The following GIPC3 variants were observed in gnomAD, a reference collection of about 807,000 sequenced individuals.
The protein encoded by GIPC3 is GIPC PDZ domain containing family member 3.
A neutral mutation model predicts 27.3 loss-of-function variants in GIPC3; 16 were observed. That is an observed-to-expected ratio of 0.59 (90% CI 0.40 to 0.89). The LOEUF is 0.89. Among genes scored for constraint, GIPC3 ranks in the 40% least tolerant of loss-of-function variants. The pLI, the probability that GIPC3 is intolerant of heterozygous loss-of-function variation, is 0.00. For synonymous variants in GIPC3, 194 were observed against 184.6 expected (o/e 1.05, Z -0.41); for missense variants, 440 against 442.1 (o/e 1.00, Z 0.04).
At position 3,591,143 on chromosome 19, in the gene GIPC3, C is replaced by A. The variant is rs1468891829; in HGVS notation, c.*953C>A. 17 of 1,233,016 alleles carry A rather than the reference C, an allele frequency of 1.4e-5. No homozygotes were observed. Among genetic ancestry groups the A allele is most frequent in the South Asian group, 4.1e-5 (1 of 24,420 alleles). The allele number at this position is 1,233,016 out of a possible 1,614,324, so 76.4% of individuals were successfully genotyped here. A position where few individuals can be genotyped will look rare whatever the true frequency, so the allele number is the denominator to read the frequency against. On this transcript the variant is annotated 3_prime_UTR_variant, in exon 6 of 6. Coordinates refer to ENST00000644452, the MANE Select transcript of GIPC3 (RefSeq NM_133261.3). ...CTGAGACCAAGCCCAGCTCTAGAAC[C>A]CAGATAAGCTCTGAAACCAATCCCA... is the stretch of plus-strand genomic sequence containing the variant.
rs193020058 is a variant in GIPC3, at chr19:3,587,249, G to A, written c.592+255G>A. On this transcript the variant is annotated intron_variant, in intron 3 of 5. Transcript: ENST00000644452. ...GGAGGACGCGTCCAGAACCACTTTG[G>A]AGCCAGGCTGGGAGACTTGTTTTTG... Among the ~76,000 whole-genome samples, 2,226 of 151,798 alleles carry A rather than the reference G, an allele frequency of 0.015. 38 individuals carry two copies. Among genetic ancestry groups the A allele is most frequent in the Non-Finnish European group, 0.018 (1,245 of 67,814 alleles).
At position 3,593,306 on chromosome 19, in the gene GIPC3, C is replaced by T. The variant is rs1464979929; in HGVS notation, c.*3116C>T. On this transcript the variant is annotated 3_prime_UTR_variant, in exon 6 of 6. Coordinates refer to ENST00000644452, the MANE Select transcript of GIPC3 (RefSeq NM_133261.3). Reference sequence around the variant, plus strand: ...GGCCGTAGCTTGGCTGTGACTTAGCCCTGGTTCATGTGGTTCTCGTCCTCT... The same window carrying T: ...GGCCGTAGCTTGGCTGTGACTTAGCTCTGGTTCATGTGGTTCTCGTCCTCT... 8.1e-7 allele frequency: 1 copy of T among 1,232,334 alleles called. No individual in the cohort carries two copies. The allele number at this position is 1,232,334 out of a possible 1,614,324, so 76.3% of individuals were successfully genotyped here. A position where few individuals can be genotyped will look rare whatever the true frequency, so the allele number is the denominator to read the frequency against.
At position 3,590,241 on chromosome 19, in the gene GIPC3, C is replaced by G. The variant is rs1242437543; in HGVS notation, c.*51C>G. 6.5e-7 allele frequency: 1 copy of G among 1,545,298 alleles called. No individual in the cohort carries two copies. The highest frequency in any genetic ancestry group is 8.7e-7 in the Non-Finnish European group (1 of 1,144,216). ...CCCCAGCCCGGAGCCCAGCCCCCTG[C>G]CCCGGCCCTGCTCCAGAACCCAGCC... On this transcript the variant is annotated 3_prime_UTR_variant, in exon 6 of 6. Transcript: ENST00000644452.
chr19:3,585,800 C>A lies in GIPC3; in HGVS notation c.203C>A (p.Ala68Asp), dbSNP rs1254970207. 6 of 1,546,738 alleles carry A rather than the reference C, an allele frequency of 3.9e-6. No homozygotes were observed. The highest frequency in any genetic ancestry group is 2.0e-5 in the Admixed American group (1 of 50,952). ...VRELYAKIAE[A>D]FGIAPTEILF... Reference sequence around the variant, plus strand: ...GAGCTGTACGCCAAGATCGCCGAAGCCTTCGGGATCGCGCCCACCGAGGTA... The same window carrying A: ...GAGCTGTACGCCAAGATCGCCGAAGACTTCGGGATCGCGCCCACCGAGGTA... Residue 68 changes from alanine to aspartate, a missense_variant, in exon 1 of 6, where the codon GCC (alanine) becomes GAC (aspartate). Transcript: ENST00000644452.
In GIPC3 at chr19:3,591,497, C is replaced by T. The variant is rs8112817; in HGVS notation, c.*1307C>T. ...CACACCTGGACACTCGGTCTAGCTC[C>T]GGAACCCCAGTTAATTTTGGAACCC... On this transcript the variant is annotated 3_prime_UTR_variant, in exon 6 of 6. Transcript: ENST00000644452. The T allele has an allele frequency of 4.3e-3, 5,290 of 1,232,448 alleles. 180 individuals are homozygous for T. In the African/African-American group the frequency reaches 0.075, roughly 17 times the overall value. 76.3% of individuals were successfully genotyped at this position (1,232,448 alleles called of 1,614,324 possible).
Position 3,590,029 on chromosome 19 carries a change from C to T in GIPC3, c.788-10C>T, listed in dbSNP as rs368548938. The T allele has an allele frequency of 1.8e-5, 29 of 1,612,402 alleles. No homozygotes were observed. Among genetic ancestry groups the T allele is most frequent in the South Asian group, 4.4e-5 (4 of 90,996 alleles). Reference sequence around the variant, plus strand: ...GCCCTCACTGACATCCCCTCTGGCACGGCCCGCAGCGTCCACCATGGTGGA... The same window carrying T: ...GCCCTCACTGACATCCCCTCTGGCATGGCCCGCAGCGTCCACCATGGTGGA... On this transcript the variant is annotated splice_polypyrimidine_tract_variant and intron_variant, in intron 5 of 5. Transcript: ENST00000644452.
rs2032498825 is a variant in GIPC3, at chr19:3,592,234, C to A, written c.*2044C>A. 9.7e-6 allele frequency: 12 copies of A among 1,232,198 alleles called. 1 individual carries two copies. The South Asian group carries it at 3.3e-4, about 34-fold the overall frequency. The allele number at this position is 1,232,198 out of a possible 1,614,324, so 76.3% of individuals were successfully genotyped here. A position where few individuals can be genotyped will look rare whatever the true frequency, so the allele number is the denominator to read the frequency against. ...CCAGCCTCTGGGACTCAATTCGCCT[C>A]TAAAACCCTGCCAGGTTCTAGATAC... On this transcript the variant is annotated 3_prime_UTR_variant, in exon 6 of 6. Transcript: ENST00000644452.
At position 3,592,235 on chromosome 19, in the gene GIPC3, TAA is replaced by T; in HGVS notation, c.*2048_*2049del. Reference sequence around the variant, plus strand: ...CAGCCTCTGGGACTCAATTCGCCTCTAAAACCCTGCCAGGTTCTAGATACCAG... The same window carrying T: ...CAGCCTCTGGGACTCAATTCGCCTCTAACCCTGCCAGGTTCTAGATACCAG... On this transcript the variant is annotated 3_prime_UTR_variant, in exon 6 of 6. Transcript: ENST00000644452. 1 of 1,232,226 alleles carries T rather than the reference TAA, an allele frequency of 8.1e-7. No individual in the cohort carries two copies. The highest frequency in any genetic ancestry group is 1.0e-6 in the Non-Finnish European group (1 of 988,138). 76.3% of individuals were successfully genotyped at this position (1,232,226 alleles called of 1,614,324 possible). A position where few individuals can be genotyped will look rare whatever the true frequency, so the allele number is the denominator to read the frequency against.
rs74364412 is a variant in GIPC3, at chr19:3,589,276, C to T, written c.593-167C>T. 4.7e-3 allele frequency among the ~76,000 whole-genome samples: 722 copies of T among 152,146 alleles called. 4 individuals are homozygous for T. The highest frequency in any genetic ancestry group is 0.017 in the African/African-American group (687 of 41,492). ...CTTGTGATTTAGTTTGCTGGGGATG[C>T]GAAGTGTGGAATCTCGAATAGGTCT... On this transcript the variant is annotated intron_variant, in intron 3 of 5. Transcript: ENST00000644452.
chr19:3,585,834 G>C lies in GIPC3; in HGVS notation c.225+12G>C, dbSNP rs1335584249. The C allele has an allele frequency of 1.3e-6, 2 of 1,539,504 alleles. No individual in the cohort carries two copies. Among genetic ancestry groups the C allele is most frequent in the Admixed American group, 3.9e-5 (2 of 50,816 alleles). ...TCGCGCCCACCGAGGTAAGGAGCCC[G>C]GACACCGGCGCCCAAGACCACCCGC... On this transcript the variant is annotated intron_variant, in intron 1 of 5. Coordinates refer to ENST00000644452, the MANE Select transcript of GIPC3 (RefSeq NM_133261.3).
rs1350235273 is a variant in GIPC3, at chr19:3,591,042, A to T, written c.*852A>T. On this transcript the variant is annotated 3_prime_UTR_variant, in exon 6 of 6. Coordinates refer to ENST00000644452, the MANE Select transcript of GIPC3 (RefSeq NM_133261.3). ...CCAGATAAGCTCTGAAACCAAGCCC[A>T]GCATAGAGACCAAGCCGTGTTCTAG... is the stretch of plus-strand genomic sequence containing the variant. 3 of 1,233,220 alleles carry T rather than the reference A, an allele frequency of 2.4e-6. No homozygotes were observed. The allele number at this position is 1,233,220 out of a possible 1,614,324, so 76.4% of individuals were successfully genotyped here.
At position 3,591,132 on chromosome 19, in the gene GIPC3, A is replaced by G; in HGVS notation, c.*942A>G. On this transcript the variant is annotated 3_prime_UTR_variant, in exon 6 of 6. Coordinates refer to ENST00000644452, the MANE Select transcript of GIPC3 (RefSeq NM_133261.3). ...TCAGGTCAGCCCTGAGACCAAGCCCAGCTCTAGAACCCAGATAAGCTCTGA... is the reference window on the plus strand; with the variant it reads ...TCAGGTCAGCCCTGAGACCAAGCCCGGCTCTAGAACCCAGATAAGCTCTGA... 8.1e-7 allele frequency: 1 copy of G among 1,233,324 alleles called. No individual in the cohort carries two copies. Among genetic ancestry groups the G allele is most frequent in the African/African-American group, 1.5e-5 (1 of 64,524 alleles). The allele number at this position is 1,233,324 out of a possible 1,614,324, so 76.4% of individuals were successfully genotyped here.
chr19:3,591,721 A>T lies in GIPC3; in HGVS notation c.*1531A>T. On this transcript the variant is annotated 3_prime_UTR_variant, in exon 6 of 6. Transcript: ENST00000644452. ...GCAGCCCAGTCCAGCTCCAGTGATGATTCCAGCTCTGAGACTGAGCCCAGC... is the reference window on the plus strand; with the variant it reads ...GCAGCCCAGTCCAGCTCCAGTGATGTTTCCAGCTCTGAGACTGAGCCCAGC... The T allele has an allele frequency of 8.1e-7, 1 of 1,233,770 alleles. No homozygotes were observed. The highest frequency in any genetic ancestry group is 1.0e-6 in the Non-Finnish European group (1 of 989,366). The allele number at this position is 1,233,770 out of a possible 1,614,324, so 76.4% of individuals were successfully genotyped here. A position where few individuals can be genotyped will look rare whatever the true frequency, so the allele number is the denominator to read the frequency against.
intron 3 of GIPC3, among the ~76,000 whole-genome samples, chr19:3,588,726 C>T (rs1454288945): frequency 5.9e-5 from 9 of 151,298 alleles, no homozygotes; most frequent in Non-Finnish European, 8.8e-5. Context: ...GGGTGCATCA[C>T]GAGGTCAGGA....
At chr19:3,588,439 A>G (rs1261142993) in intron 3 of GIPC3, among the ~76,000 whole-genome samples, 1 of 152,078 alleles carries the variant, frequency 6.6e-6, no homozygotes, top group Non-Finnish European at 1.5e-5. Context: ...AGATTCTAGA[A>G]GTGCCCCAGC....
Position 3,585,758 on chromosome 19 carries a change from G to T in GIPC3, c.161G>T (p.Gly54Val). The T allele has an allele frequency of 6.5e-7, 1 of 1,546,862 alleles. No homozygotes were observed. The change falls in exon 1 of 6, where the codon GGC becomes GTC. Residue 54 changes from glycine to valine, a missense_variant. Transcript: ENST00000644452. The stretch of plus-strand genomic sequence containing the variant: ...GGGAGCCCCACGGGCAAGATCGAGG[G>T]CTTCACCAACGTCCGCGAGCTGTAC... ...AHGSPTGKIEGFTNVRELYAK... is the reference protein window; with the variant it reads ...AHGSPTGKIEVFTNVRELYAK...
At position 3,592,784 on chromosome 19, in the gene GIPC3, G is replaced by GC; in HGVS notation, c.*2596dup. On this transcript the variant is annotated 3_prime_UTR_variant, in exon 6 of 6. Transcript: ENST00000644452. ...GAGCCCACCTTAGTTCTGGAACCCA[G>GC]CCTGTTTCTGGAACCCAATCCAGTT... is the stretch of plus-strand genomic sequence containing the variant. 8.1e-7 allele frequency: 1 copy of GC among 1,232,102 alleles called. No homozygotes were observed. Among genetic ancestry groups the GC allele is most frequent in the Non-Finnish European group, 1.0e-6 (1 of 988,028 alleles). 76.3% of individuals were successfully genotyped at this position (1,232,102 alleles called of 1,614,324 possible).
In GIPC3 at chr19:3,590,099, T is replaced by G. The variant is rs762994379; in HGVS notation, c.848T>G (p.Leu283Ter). The G allele has an allele frequency of 5.0e-6, 8 of 1,611,448 alleles. No homozygotes were observed. Among genetic ancestry groups the G allele is most frequent in the Non-Finnish European group, 6.8e-6 (8 of 1,179,126 alleles). ...AGCGCCCAGGAGTTTGCACGCTGTT[T>G]AGACTCCGTCTTGGGCGAGTTCGCC... Reference protein sequence around the residue: ...TASAQEFARCLDSVLGEFAFP... With the variant: ...TASAQEFARC The change falls in exon 6 of 6, where the codon TTA (leucine) becomes TGA (stop). Residue 283 changes from leucine (L) to a stop codon, truncating the protein, a stop_gained. Transcript: ENST00000644452. LOFTEE classifies it high-confidence loss of function.
chr19:3,589,378 C>G, intron 3 of GIPC3, 65 bp from the exon 4 acceptor site: 2 of 1,222,122 alleles, frequency 1.6e-6, no homozygotes, highest in South Asian at 2.4e-5. Flanking sequence ...TGTTGGCCTC[C>G]CAGGGTTTAC....
Sources: allele counts gnomAD v4.1 joint callset (sites outside exome capture counted in the v4.1 genomes callset), GRCh38; gene constraint gnomAD v4.1.1; transcripts MANE v1.5; gene names NCBI Gene and HGNC (gene_info 2026-07-23, HGNC 2026-07-21).